The following FGGY variants were observed in gnomAD, a reference collection of about 807,000 sequenced individuals.
FGGY encodes the protein FGGY carbohydrate kinase domain containing, also known as FGGY carbohydrate kinase domain-containing protein.
Under a neutral mutation model 71.3 loss-of-function variants are expected in FGGY, and 72 were observed. That is an observed-to-expected ratio of 1.01 (90% CI 0.84 to 1.23). The LOEUF (loss-of-function observed/expected upper bound fraction) is 1.23. Among genes scored for constraint, FGGY ranks in the 50% most tolerant of loss-of-function variants. The pLI is 0.00. For synonymous variants in FGGY, 251 were observed against 250.3 expected, an observed-to-expected ratio of 1.00 and a Z score of -0.02; for missense variants, 668 against 682.3, an observed-to-expected ratio of 0.98 and a Z score of 0.23.
chr1:59,378,377 C>T (rs923724830), intron 4 of FGGY, among the ~76,000 whole-genome samples: 11 of 151,706 alleles, frequency 7.3e-5, no homozygotes, highest in African/African-American at 2.2e-4. Flanking sequence ...TCTGCTGCCA[C>T]GATTGTGAGG....
At chr1:59,608,060 A>T in intron 9 of FGGY, 150 bp downstream of exon 9, 1 of 602,602 alleles carries the variant, frequency 1.7e-6, no homozygotes, top group South Asian at 2.2e-5. Context: ...CTAACATGTC[A>T]TACACATGCA....
chr1:59,627,922 A>G (rs2096874620), intron 10 of FGGY, among the ~76,000 whole-genome samples: 1 of 152,226 alleles, frequency 6.6e-6, no homozygotes, highest in Non-Finnish European at 1.5e-5. Context: ...GGACGAAATG[A>G]CAGGTCTTCC....
intron 7 of FGGY, among the ~76,000 whole-genome samples, chr1:59,538,887 C>T (rs901251090): frequency 6.6e-6 from 1 of 151,044 alleles, no homozygotes; most frequent in African/African-American, 2.4e-5. Flanking sequence ...GGAGATATAC[C>T]TAATGCTAGA....
intron 11 of FGGY, among the ~76,000 whole-genome samples, chr1:59,653,535 C>T (rs2097188505): frequency 6.6e-6 from 1 of 152,014 alleles, no homozygotes; most frequent in Admixed American, 6.5e-5. Context: ...TCCGTCACCC[C>T]TTTCTTTGAC....
chr1:59,546,984 G>A (rs1328931179), intron 7 of FGGY, among the ~76,000 whole-genome samples: 4 of 127,310 alleles, frequency 3.1e-5, no homozygotes, highest in South Asian at 4.9e-4. Context: ...ATGGAGTCTC[G>A]CTCTGTGGCC....
intron 5 of FGGY, among the ~76,000 whole-genome samples, chr1:59,402,127 T>TGGACAGTGG (rs1251510328): frequency 6.6e-6 from 1 of 151,988 alleles, no homozygotes; most frequent in Non-Finnish European, 1.5e-5. Context: ...TAGGGGCGAG[T>TGGACAGTGG]ACAGTGGACA....
chr1:59,410,973 A>G (rs2153425918), intron 5 of FGGY, among the ~76,000 whole-genome samples: 1 of 152,288 alleles, frequency 6.6e-6, no homozygotes. Flanking sequence ...TTTCTCTCCT[A>G]CCAACATCTT....
At chr1:59,347,409 C>T (rs2052289112) in intron 4 of FGGY, among the ~76,000 whole-genome samples, 1 of 152,038 alleles carries the variant, frequency 6.6e-6, no homozygotes, top group Non-Finnish European at 1.5e-5. Flanking sequence ...ATGCATGTCC[C>T]TACAAAGGAC....
intron 14 of FGGY, among the ~76,000 whole-genome samples, chr1:59,688,211 C>G (rs1004673157): frequency 2.2e-4 from 34 of 152,148 alleles, no homozygotes; most frequent in Non-Finnish European, 4.6e-4. Context: ...CTTTCTTGAG[C>G]CAGAGCCCTG....
At chr1:59,414,747 G>T (rs2064110197) in intron 5 of FGGY, among the ~76,000 whole-genome samples, 1 of 152,180 alleles carries the variant, frequency 6.6e-6, no homozygotes, top group African/African-American at 2.4e-5. Flanking sequence ...TTTTGTGGAG[G>T]TACTTACCTT....
intron 14 of FGGY, among the ~76,000 whole-genome samples, chr1:59,723,709 T>C (rs151275731): frequency 1.3e-5 from 2 of 152,332 alleles, no homozygotes; most frequent in Admixed American, 6.5e-5. Context: ...GTTTTTGACA[T>C]ACTACATTCC....
intron 4 of FGGY, among the ~76,000 whole-genome samples, chr1:59,350,234 G>A (rs543466617): frequency 3.6e-4 from 55 of 152,254 alleles, no homozygotes; most frequent in Non-Finnish European, 7.1e-4. Flanking sequence ...GATAGGCACT[G>A]GGGAACTGGG....
Position 59,555,586 on chromosome 1 carries a change from G to T in FGGY, c.903+1359G>T, listed in dbSNP as rs576253464. Among the ~76,000 whole-genome samples, 5 of 152,330 alleles carry T rather than the reference G, an allele frequency of 3.3e-5. No homozygotes were observed. The South Asian group carries it at 1.0e-3, about 32-fold the overall frequency. On this transcript the variant is annotated intron_variant, in intron 8 of 15. Transcript: ENST00000303721. ...AGCAAACAGTGGCTGACTCTGCCTG[G>T]GAGGGTGCAGGGTGATAGAATCTTC... is the stretch of plus-strand genomic sequence containing the variant.
chr1:59,314,588 C>T (rs922859605), intron 1 of FGGY, among the ~76,000 whole-genome samples: 1 of 152,190 alleles, frequency 6.6e-6, no homozygotes, highest in Non-Finnish European at 1.5e-5. Context: ...CCAAGTGAGT[C>T]AGTGGTAGAC....
rs183815404 is a variant in FGGY at position 59,635,102 on chromosome 1, G to A, written c.1074-3126G>A. Among the ~76,000 whole-genome samples the A allele has an allele frequency of 2.6e-5, 4 of 152,258 alleles. No individual in the cohort carries two copies. In the East Asian group the frequency reaches 7.7e-4, roughly 29 times the overall value. On this transcript the variant is annotated intron_variant, in intron 10 of 15. Transcript: ENST00000303721. ...ATTTGAGAAGGAACTGATAAAACAT[G>A]CAAAATGACACAAAGTCAGAACCAA... is the stretch of plus-strand genomic sequence containing the variant.
chr1:59,596,551 G>T (rs547315707), intron 8 of FGGY, among the ~76,000 whole-genome samples: 42 of 152,036 alleles, frequency 2.8e-4, no homozygotes, highest in African/African-American at 1.0e-3. Flanking sequence ...GTAATCCCAG[G>T]AAGGAACTTG....
At chr1:59,346,928 C>T (rs963857207) in intron 4 of FGGY, among the ~76,000 whole-genome samples, 42 of 149,512 alleles carry the variant, frequency 2.8e-4, no homozygotes, top group Middle Eastern at 3.5e-3. Flanking sequence ...CCACTGTGCC[C>T]GGCCATCCAA....
chr1:59,365,997 T>G (rs2056516719), intron 4 of FGGY, among the ~76,000 whole-genome samples: 1 of 152,212 alleles, frequency 6.6e-6, no homozygotes, highest in South Asian at 2.1e-4. Flanking sequence ...TCCAGAGTTC[T>G]TAGACCCCAT....
rs1198899087 is a variant in FGGY at position 59,512,520 on chromosome 1, T to C, written c.799+81T>C. On this transcript the variant is annotated intron_variant, in intron 7 of 15. Coordinates refer to ENST00000303721, the MANE Select transcript of FGGY (RefSeq NM_018291.5). ...AGAACCGAAGACACTCCTTTTCTGTTTTTAAAGCAAAGGTCAAGGACTTTG... is the reference window on the plus strand; with the variant it reads ...AGAACCGAAGACACTCCTTTTCTGTCTTTAAAGCAAAGGTCAAGGACTTTG... The C allele has an allele frequency of 2.8e-6, 4 of 1,436,438 alleles. No individual in the cohort carries two copies. In the East Asian group the frequency reaches 7.4e-5, roughly 27 times the overall value. The allele number at this position is 1,436,438 out of a possible 1,614,324, so 89.0% of individuals were successfully genotyped here.
Sources: allele counts gnomAD v4.1 joint callset (sites outside exome capture counted in the v4.1 genomes callset), GRCh38; gene constraint gnomAD v4.1.1; transcripts MANE v1.5; gene names NCBI Gene and HGNC (gene_info 2026-07-23, HGNC 2026-07-21).